TAOK1: variants seen among roughly 807,000 people sequenced by gnomAD.
The protein encoded by TAOK1 is serine/threonine-protein kinase TAO1.
TAOK1 carries 21 observed loss-of-function variants against 138.3 expected under a neutral mutation model. The observed-to-expected ratio is 0.15, with a 90% confidence interval of 0.11 to 0.22. TAOK1 has a LOEUF of 0.22. Ranked by LOEUF, TAOK1 falls within the 10% of genes least tolerant of loss-of-function variation. The pLI, the probability that TAOK1 is intolerant of heterozygous loss-of-function variation, is 1.00. For synonymous variants in TAOK1, 361 were observed against 398.4 expected (o/e 0.91, Z 1.12); for missense variants, 651 against 1,227.7 (o/e 0.53, Z 7.02).
chr17:29,471,818 T>C (rs2030825344), intron 3 of TAOK1, among the ~76,000 whole-genome samples: 1 of 152,222 alleles, frequency 6.6e-6, no homozygotes, highest in African/African-American at 2.4e-5. Context: ...TGACAGCATT[T>C]TACCCATGAT....
At position 29,475,671 on chromosome 17, in the gene TAOK1, A is replaced by G; in HGVS notation, c.206A>G (p.Lys69Arg). 6.2e-7 allele frequency: 1 copy of G among 1,601,840 alleles called. No individual in the cohort carries two copies. The highest frequency in any genetic ancestry group is 1.1e-5 in the South Asian group (1 of 89,374). The part of the protein sequence containing the change: ...MSYSGKQSTE[K>R]WQDIIKEVKF... ...TCTTTACCTTTTTTCTCCCCACAGA[A>G]ATGGCAGGATATTATTAAGGAAGTC... is the stretch of plus-strand genomic sequence containing the variant. The change falls in exon 4 of 20, where the codon AAA becomes AGA. Residue 69 changes from lysine (K) to arginine (R), a missense_variant and splice_region_variant. Physicochemically the swap from Lys to Arg is conservative, Grantham distance 26. Coordinates refer to ENST00000261716, the MANE Select transcript of TAOK1 (RefSeq NM_020791.4).
At chr17:29,460,231 A>G (rs2030500222) in intron 2 of TAOK1, among the ~76,000 whole-genome samples, 1 of 152,184 alleles carries the variant, frequency 6.6e-6, no homozygotes, top group Non-Finnish European at 1.5e-5. Flanking sequence ...TCGCTCTGTC[A>G]CCCAGACTAG....
At position 29,546,628 on chromosome 17, in the gene TAOK1, A is replaced by T. The variant is rs1481658038; in HGVS notation, c.*3606A>T. ...CACTAGTGGAAATAAATTGTATTAT[A>T]CCATGATCTACTGGCTTTTTAAAAC... is the stretch of plus-strand genomic sequence containing the variant. On this transcript the variant is annotated 3_prime_UTR_variant, in exon 20 of 20. Transcript: ENST00000261716. The T allele has an allele frequency of 6.6e-6, 1 of 152,134 alleles. No individual in the cohort carries two copies. The highest frequency in any genetic ancestry group is 1.5e-5 in the Non-Finnish European group (1 of 67,992). The allele number at this position is 152,134 out of a possible 1,614,324, so 9.4% of individuals were successfully genotyped here.
chr17:29,474,905 T>C (rs990200110), intron 3 of TAOK1, among the ~76,000 whole-genome samples: 4 of 151,828 alleles, frequency 2.6e-5, no homozygotes, highest in African/African-American at 7.3e-5. Flanking sequence ...GTGCTGTAAA[T>C]TGAGATATGC....
intron 1 of TAOK1, among the ~76,000 whole-genome samples, chr17:29,428,492 A>G (rs1197241764): frequency 6.6e-6 from 1 of 152,206 alleles, no homozygotes; most frequent in Non-Finnish European, 1.5e-5. Context: ...GTGCCTAGAT[A>G]GCCTAGAGAA....
At chr17:29,534,326 T>C (rs1269115909) in intron 19 of TAOK1, 26 bp downstream of exon 19, 3 of 1,491,246 alleles carry the variant, frequency 2.0e-6, no homozygotes. Flanking sequence ...GGAAAAATCA[T>C]TGTTTTCGAA....
intron 19 of TAOK1, among the ~76,000 whole-genome samples, chr17:29,536,824 C>T (rs531114391): frequency 2.6e-5 from 4 of 151,276 alleles, no homozygotes; most frequent in Admixed American, 1.3e-4. Flanking sequence ...CTCAGCCTCC[C>T]GAGTACCTGG....
intron 17 of TAOK1, among the ~76,000 whole-genome samples, chr17:29,526,401 C>G (rs991494730): frequency 4.0e-5 from 6 of 151,640 alleles, no homozygotes; most frequent in Non-Finnish European, 8.9e-5. Context: ...CTTGGAACAA[C>G]TTTGTTAACC....
intron 15 of TAOK1, among the ~76,000 whole-genome samples, chr17:29,515,747 A>G (rs2031802408): frequency 6.6e-6 from 1 of 151,534 alleles, no homozygotes; most frequent in Admixed American, 6.6e-5. Flanking sequence ...AGGCAGGAAA[A>G]ATCACTGGAA....
chr17:29,470,200 G>GT (rs1283295470), intron 3 of TAOK1, among the ~76,000 whole-genome samples: 1 of 152,186 alleles, frequency 6.6e-6, no homozygotes, highest in Non-Finnish European at 1.5e-5. Context: ...CTTCTTAAGA[G>GT]TAACTATGTT....
At chr17:29,507,845 GA>G (rs1240246176) in intron 13 of TAOK1, 50 bp from the exon 14 acceptor site, 1 of 1,534,206 alleles carries the variant, frequency 6.5e-7, no homozygotes. Context: ...AATGCTTTTC[GA>G]AGAAGAATGT....
At chr17:29,438,756 T>G (rs1021914564) in intron 1 of TAOK1, among the ~76,000 whole-genome samples, 9 of 152,226 alleles carry the variant, frequency 5.9e-5, no homozygotes, top group Admixed American at 5.9e-4. Flanking sequence ...TTACTCTTTC[T>G]AATTACTGTC....
At chr17:29,465,785 A>G (rs1234877459) in intron 2 of TAOK1, among the ~76,000 whole-genome samples, 1 of 121,934 alleles carries the variant, frequency 8.2e-6, no homozygotes, top group Non-Finnish European at 1.7e-5. Flanking sequence ...TTTTGTGTGT[A>G]TAGTGGGAGT....
In TAOK1 at chr17:29,465,837, C is replaced by CTTTTTTTTTTTTTTTTTTT. The variant is rs3058623; in HGVS notation, c.133-1299_133-1281dup. The stretch of plus-strand genomic sequence containing the variant: ...AAGAGTTAACTGTCAAGTTTCTGTG[C>CTTTTTTTTTTTTTTTTTTT]TTTTTTTTTTTTTTTTTTTTTTTTT... On this transcript the variant is annotated intron_variant, in intron 2 of 19. Transcript: ENST00000261716. Among the ~76,000 whole-genome samples the CTTTTTTTTTTTTTTTTTTT allele has an allele frequency of 2.2e-3, 100 of 45,452 alleles. 35 individuals carry two copies. The highest frequency in any genetic ancestry group is 5.0e-3 in the African/African-American group (44 of 8,726). 29.8% of individuals were successfully genotyped at this position (45,452 alleles called of 152,430 possible).
At chr17:29,392,410 A>G (rs777035752) in intron 1 of TAOK1, among the ~76,000 whole-genome samples, 4 of 151,968 alleles carry the variant, frequency 2.6e-5, no homozygotes, top group African/African-American at 4.8e-5. Flanking sequence ...TTATTCTATG[A>G]TCTATTTTCT....
intron 12 of TAOK1, among the ~76,000 whole-genome samples, chr17:29,502,065 A>G (rs970823055): frequency 2.6e-5 from 4 of 152,258 alleles, no homozygotes; most frequent in East Asian, 3.9e-4. Context: ...CAATCAGTCA[A>G]TCTAGTCATG....
In TAOK1 at chr17:29,543,273, AT is replaced by A; in HGVS notation, c.*252del. 2.8e-6 allele frequency: 1 copy of A among 356,916 alleles called. No homozygotes were observed. Among genetic ancestry groups the A allele is most frequent in the East Asian group, 4.9e-5 (1 of 20,332 alleles). The allele number at this position is 356,916 out of a possible 1,614,324, so 22.1% of individuals were successfully genotyped here. On this transcript the variant is annotated 3_prime_UTR_variant, in exon 20 of 20. Transcript: ENST00000261716. ...GAGTTGATATTAAAAATAAATGTGT[AT>A]GTGTGTACATATATATACACACACA...
chr17:29,484,051 T>G (rs904386151), intron 8 of TAOK1, among the ~76,000 whole-genome samples: 2 of 152,222 alleles, frequency 1.3e-5, no homozygotes, highest in Admixed American at 1.3e-4. Context: ...ATTTATTTGA[T>G]TAGAAGGTAT....
intron 13 of TAOK1, among the ~76,000 whole-genome samples, chr17:29,505,259 C>T (rs1376002535): frequency 6.6e-6 from 1 of 152,048 alleles, no homozygotes; most frequent in Non-Finnish European, 1.5e-5. Flanking sequence ...ATGCACAGAT[C>T]TTAGGTATTC....
Sources: allele counts gnomAD v4.1 joint callset (sites outside exome capture counted in the v4.1 genomes callset), GRCh38; gene constraint gnomAD v4.1.1; transcripts MANE v1.5; gene names NCBI Gene and HGNC (gene_info 2026-07-23, HGNC 2026-07-21).